EXOC6: variants seen among roughly 807,000 people sequenced by gnomAD.
EXOC6 encodes exocyst complex component 6.
A neutral mutation model predicts 112.5 loss-of-function variants in EXOC6; 60 were observed. The ratio of observed to expected loss-of-function variants is 0.53; its 90% CI spans 0.43 to 0.66. The LOEUF is 0.66. Ranked by LOEUF, EXOC6 falls within the 30% of genes least tolerant of loss-of-function variation. The pLI is 0.00. For missense variants in EXOC6, 855 were observed against 957.1 expected (o/e 0.89, Z 1.41); for synonymous variants, 295 against 308.0 (o/e 0.96, Z 0.44).
chr10:92,993,126 T>A (rs1254720083), intron 18 of EXOC6, among the ~76,000 whole-genome samples: 1 of 152,146 alleles, frequency 6.6e-6, no homozygotes, highest in Non-Finnish European at 1.5e-5. Flanking sequence ...AGGTTTAATA[T>A]CCAAATTGAC....
At chr10:92,885,123 T>G (rs1314908001) in intron 1 of EXOC6, among the ~76,000 whole-genome samples, 1 of 152,208 alleles carries the variant, frequency 6.6e-6, no homozygotes, top group Non-Finnish European at 1.5e-5. Flanking sequence ...CAAGATACTT[T>G]GTTTAAATTC....
intron 1 of EXOC6, among the ~76,000 whole-genome samples, chr10:92,867,134 C>G (rs1351161127): frequency 6.6e-6 from 1 of 152,054 alleles, no homozygotes; most frequent in Non-Finnish European, 1.5e-5. Context: ...GATAGAAAAA[C>G]TCATTGGTCC....
At position 92,934,320 on chromosome 10, in the gene EXOC6, GT is replaced by G; in HGVS notation, c.1031del (p.Val344GlufsTer8). 1.9e-6 allele frequency: 3 copies of G among 1,580,320 alleles called. No homozygotes were observed. Among genetic ancestry groups the G allele is most frequent in the South Asian group, 1.2e-5 (1 of 83,552 alleles). ...AATTACTGTTTTTAGGTTCTTTGTG[GT>G]AGAAGATCACATTTTACATGTGACC... ...YFTQIVGFFV[V>X]EDHILHVTQG... is the part of the protein sequence containing the mutation. On this transcript the variant is annotated frameshift_variant, in exon 11 of 22. Transcript: ENST00000260762. LOFTEE classifies it high-confidence loss of function.
chr10:92,830,099 A>G (rs1846448813), upstream of EXOC6, among the ~76,000 whole-genome samples: 1 of 152,200 alleles, frequency 6.6e-6, no homozygotes, highest in African/African-American at 2.4e-5. Context: ...TGCTCTGCCT[A>G]TGGAGTAGCC....
At chr10:92,958,240 T>G (rs1853799403) in intron 17 of EXOC6, among the ~76,000 whole-genome samples, 1 of 152,180 alleles carries the variant, frequency 6.6e-6, no homozygotes, top group Non-Finnish European at 1.5e-5. Context: ...CTAATATAAG[T>G]CTTCTCCTAA....
At chr10:92,943,235 G>A (rs7078968) in intron 13 of EXOC6, among the ~76,000 whole-genome samples, 2 of 151,986 alleles carry the variant, frequency 1.3e-5, no homozygotes, top group African/African-American at 4.8e-5. Context: ...AGCCAGGATG[G>A]TCTCGATCTC....
chr10:93,031,137 G>C (rs976460201), intron 20 of EXOC6, among the ~76,000 whole-genome samples: 10 of 152,082 alleles, frequency 6.6e-5, no homozygotes, highest in Non-Finnish European at 1.2e-4. Context: ...TTGTTCAGTT[G>C]ATCTCTTTAC....
intron 20 of EXOC6, among the ~76,000 whole-genome samples, chr10:93,029,350 T>C (rs1434075481): frequency 6.6e-6 from 1 of 152,240 alleles, no homozygotes. Context: ...ACCAGACATA[T>C]AGTATCTCCG....
At chr10:92,830,876 A>G (rs1288835217), upstream of EXOC6, among the ~76,000 whole-genome samples, 1 of 152,164 alleles carries the variant, frequency 6.6e-6, no homozygotes, top group East Asian at 1.9e-4. Context: ...CACACACGCC[A>G]TTCTTTTTTA....
At chr10:92,949,796 G>A (rs572396178) in intron 14 of EXOC6, among the ~76,000 whole-genome samples, 11 of 151,996 alleles carry the variant, frequency 7.2e-5, no homozygotes, top group East Asian at 1.9e-4. Flanking sequence ...GGGTTTCACC[G>A]TGTAGGTCAG....
At chr10:92,910,039 T>G (rs17107977) in intron 6 of EXOC6, among the ~76,000 whole-genome samples, 4,277 of 152,288 alleles carry the variant, frequency 0.028, 162 homozygotes, top group East Asian at 0.15. Context: ...AATTAAAAAC[T>G]ACTACAGTTC....
chr10:93,007,524 A>G (rs1844051053), intron 19 of EXOC6, among the ~76,000 whole-genome samples: 1 of 152,086 alleles, frequency 6.6e-6, no homozygotes, highest in Non-Finnish European at 1.5e-5. Context: ...GTGGTGGCAC[A>G]TGCCTATAAT....
intron 1 of EXOC6, among the ~76,000 whole-genome samples, chr10:92,875,648 AT>A (rs1197557963): frequency 1.3e-5 from 2 of 152,198 alleles, no homozygotes; most frequent in Non-Finnish European, 2.9e-5. Flanking sequence ...AACTTAAAAA[AT>A]ATAGAAGAAT....
At chr10:93,001,223 A>G (rs1843741187) in intron 19 of EXOC6, among the ~76,000 whole-genome samples, 1 of 152,198 alleles carries the variant, frequency 6.6e-6, no homozygotes, top group East Asian at 1.9e-4. Context: ...GGTAGTTCAG[A>G]TGGGGAATCC....
At chr10:92,970,792 T>C (rs1202830107) in intron 17 of EXOC6, among the ~76,000 whole-genome samples, 1 of 152,214 alleles carries the variant, frequency 6.6e-6, no homozygotes, top group African/African-American at 2.4e-5. Flanking sequence ...AATAGAAAGA[T>C]GTCTATCAAT....
In EXOC6 at chr10:92,923,580, G is replaced by A. The variant is rs147572622; in HGVS notation, c.888+3530G>A. On this transcript the variant is annotated intron_variant, in intron 8 of 21. Transcript: ENST00000260762. ...AGAAGGCCTCAGTTCCTTGCCACAT[G>A]GAGTGTCTACTAGGCTGCCTGAAAG... Among the ~76,000 whole-genome samples, 336 of 152,278 alleles carry A rather than the reference G, an allele frequency of 2.2e-3. 1 individual carries two copies. The highest frequency in any genetic ancestry group is 7.4e-3 in the African/African-American group (309 of 41,534).
At chr10:93,005,483 A>T (rs541527560) in intron 19 of EXOC6, among the ~76,000 whole-genome samples, 63 of 152,296 alleles carry the variant, frequency 4.1e-4, no homozygotes, top group African/African-American at 1.4e-3. Flanking sequence ...ATTGGGTACC[A>T]ATATAGATAC....
chr10:92,987,682 A>C (rs566472374), intron 18 of EXOC6: 1 of 934,338 alleles, frequency 1.1e-6, no homozygotes, highest in South Asian at 4.9e-5. Flanking sequence ...TACATTAGAA[A>C]ATAATGAATT....
At chr10:93,017,287 G>C (rs944832167) in intron 20 of EXOC6, among the ~76,000 whole-genome samples, 1 of 151,886 alleles carries the variant, frequency 6.6e-6, no homozygotes, top group African/African-American at 2.4e-5. Flanking sequence ...GAAGGGATGA[G>C]AGATAAAAAC....
Sources: allele counts gnomAD v4.1 joint callset (sites outside exome capture counted in the v4.1 genomes callset), GRCh38; gene constraint gnomAD v4.1.1; transcripts MANE v1.5; gene names NCBI Gene and HGNC (gene_info 2026-07-23, HGNC 2026-07-21).